The following GPAT3 variants were observed in gnomAD, a reference collection of about 807,000 sequenced individuals.
GPAT3 encodes glycerol-3-phosphate acyltransferase 3, also known as 1-AGP acyltransferase 9.
Under a neutral mutation model 58.8 loss-of-function variants are expected in GPAT3, and 53 were observed. That is an observed-to-expected ratio of 0.90 (90% CI 0.72 to 1.13). The LOEUF (loss-of-function observed/expected upper bound fraction) is 1.13. Ranked by LOEUF, GPAT3 falls within the 50% of genes most tolerant of loss-of-function variation. The pLI, the probability that GPAT3 is intolerant of heterozygous loss-of-function variation, is 0.00. For synonymous variants in GPAT3, 197 were observed against 187.4 expected, an observed-to-expected ratio of 1.05 and a Z score of -0.42; for missense variants, 511 against 527.6, an observed-to-expected ratio of 0.97 and a Z score of 0.31.
intron 2 of GPAT3, among the ~76,000 whole-genome samples, chr4:83,578,948 T>TTTCTTTA (rs1553946756): frequency 1.4e-5 from 1 of 71,848 alleles, no homozygotes. Context: ...TTTTCTTTTC[T>TTTCTTTA]TTTCTTTCTT....
chr4:83,561,247 CA>C (rs1237630328), intron 2 of GPAT3, among the ~76,000 whole-genome samples: 1 of 152,100 alleles, frequency 6.6e-6, no homozygotes, highest in African/African-American at 2.4e-5. Context: ...TTTAATAAAA[CA>C]AAAACAAAAC....
At chr4:83,547,794 A>T (rs893864653) in intron 2 of GPAT3, among the ~76,000 whole-genome samples, 5 of 150,358 alleles carry the variant, frequency 3.3e-5, no homozygotes, top group Non-Finnish European at 7.4e-5. Context: ...AGATATGATT[A>T]TGGGTAAATC....
chr4:83,536,333 G>A lies in GPAT3; in HGVS notation c.-290G>A. On this transcript the variant is annotated 5_prime_UTR_variant, in exon 1 of 12. Transcript: ENST00000264409. The stretch of plus-strand genomic sequence containing the variant: ...TGTGCCTCCGCTTACCCGCAGCTCC[G>A]ACCACTGGCTCGCGCTACCCAGGTC... 2.6e-6 allele frequency: 3 copies of A among 1,143,868 alleles called. No homozygotes were observed. The highest frequency in any genetic ancestry group is 3.4e-5 in the South Asian group (1 of 28,988). 70.9% of individuals were successfully genotyped at this position (1,143,868 alleles called of 1,614,324 possible).
intron 2 of GPAT3, among the ~76,000 whole-genome samples, chr4:83,580,316 A>G (rs183664587): frequency 1.3e-5 from 2 of 152,350 alleles, no homozygotes; most frequent in African/African-American, 4.8e-5. Flanking sequence ...TTTTCTATGT[A>G]TATGTATTTC....
chr4:83,592,453 G>C (rs576689230), intron 6 of GPAT3, among the ~76,000 whole-genome samples: 35 of 152,270 alleles, frequency 2.3e-4, no homozygotes, highest in Non-Finnish European at 4.7e-4. Flanking sequence ...TCTCTTCTCA[G>C]TGACTCTCCT....
At chr4:83,574,925 G>A (rs1162425888) in intron 2 of GPAT3, among the ~76,000 whole-genome samples, 2 of 146,308 alleles carry the variant, frequency 1.4e-5, no homozygotes, top group African/African-American at 2.5e-5. Flanking sequence ...GCCCAGGCCG[G>A]AGTGCAGTGG....
chr4:83,598,646 A>G lies in GPAT3; in HGVS notation c.1128A>G (p.Glu376=). ...VWYMPPMTRE[E]GEDAVQFANR... Reference sequence around the variant, plus strand: ...AATTTTTTTTTTTTTTAAACCAGGAAGGAGAAGATGCAGTCCAGTTTGCTA... The same window carrying G: ...AATTTTTTTTTTTTTTAAACCAGGAGGGAGAAGATGCAGTCCAGTTTGCTA... The change falls in exon 11 of 12, where the codon GAA becomes GAG. Residue 376 remains glutamate (E), a splice_region_variant and synonymous_variant. Coordinates refer to ENST00000264409, the MANE Select transcript of GPAT3 (RefSeq NM_032717.5). The G allele has an allele frequency of 6.2e-7, 1 of 1,605,944 alleles. No homozygotes were observed. Among genetic ancestry groups the G allele is most frequent in the Non-Finnish European group, 8.5e-7 (1 of 1,177,146 alleles).
chr4:83,553,534 CA>C (rs1724832179), intron 2 of GPAT3, among the ~76,000 whole-genome samples: 1 of 152,146 alleles, frequency 6.6e-6, no homozygotes, highest in Admixed American at 6.5e-5. Context: ...AACCCCTCAG[CA>C]GCTTGGAAGA....
chr4:83,551,793 GAA>G (rs765639097), intron 2 of GPAT3, among the ~76,000 whole-genome samples: 7 of 61,932 alleles, frequency 1.1e-4, no homozygotes, highest in South Asian at 1.1e-3. Context: ...CTCCATCTCG[GAA>G]AAAAAAAAAA....
chr4:83,563,124 A>C (rs1725241637), intron 2 of GPAT3, among the ~76,000 whole-genome samples: 1 of 152,212 alleles, frequency 6.6e-6, no homozygotes, highest in Non-Finnish European at 1.5e-5. Context: ...TTATCTTTAC[A>C]ATTCTGAGGA....
Position 83,594,903 on chromosome 4 carries a change from G to A in GPAT3, c.797G>A (p.Cys266Tyr). The A allele has an allele frequency of 6.2e-7, 1 of 1,614,000 alleles. No individual in the cohort carries two copies. Among genetic ancestry groups the A allele is most frequent in the Middle Eastern group, 1.7e-4 (1 of 6,056 alleles). Reference protein sequence around the residue: ...GIIQRAMVKACPHVWFERSEM... With the variant: ...GIIQRAMVKAYPHVWFERSEM... ...ATTCAGAGAGCTATGGTCAAGGCTT[G>A]TCCTCATGTCTGGTTTGAACGCTCA... Residue 266 changes from cysteine (C) to tyrosine (Y), a missense_variant, in exon 7 of 12, where the codon TGT becomes TAT. Physicochemically the swap from Cys to Tyr is radical, Grantham distance 194. Coordinates refer to ENST00000264409, the MANE Select transcript of GPAT3 (RefSeq NM_032717.5).
intron 2 of GPAT3, among the ~76,000 whole-genome samples, chr4:83,565,421 C>G (rs1452432532): frequency 6.6e-6 from 1 of 152,114 alleles, no homozygotes; most frequent in Admixed American, 6.6e-5. Flanking sequence ...ACATTTGGAT[C>G]TGTTTCTGAG....
chr4:83,536,576 C>T lies in GPAT3; in HGVS notation c.-47C>T, dbSNP rs1413292796. The T allele has an allele frequency of 1.3e-6, 2 of 1,590,724 alleles. No individual in the cohort carries two copies. The highest frequency in any genetic ancestry group is 1.3e-5 in the African/African-American group (1 of 74,596). The stretch of plus-strand genomic sequence containing the variant: ...TGCCTGGGGACAGGGACTGCTGTGG[C>T]GCTCGGCCCTCCACTGCGGACCTCT... On this transcript the variant is annotated 5_prime_UTR_variant, in exon 1 of 12. Coordinates refer to ENST00000264409, the MANE Select transcript of GPAT3 (RefSeq NM_032717.5).
chr4:83,541,286 A>G (rs939330083), intron 1 of GPAT3, among the ~76,000 whole-genome samples: 6 of 151,454 alleles, frequency 4.0e-5, no homozygotes, highest in African/African-American at 1.5e-4. Flanking sequence ...CCTGGAGTGC[A>G]GTGTCATGAT....
chr4:83,541,264 C>T (rs1045603878), intron 1 of GPAT3, among the ~76,000 whole-genome samples: 18 of 151,762 alleles, frequency 1.2e-4, no homozygotes, highest in Non-Finnish European at 2.9e-5. Flanking sequence ...GCAGGGTCTC[C>T]CTGTCACCTA....
chr4:83,536,591 T>C lies in GPAT3; in HGVS notation c.-32T>C. 4 of 1,605,058 alleles carry C rather than the reference T, an allele frequency of 2.5e-6. No homozygotes were observed. The highest frequency in any genetic ancestry group is 3.4e-6 in the Non-Finnish European group (4 of 1,175,836). ...ACTGCTGTGGCGCTCGGCCCTCCAC[T>C]GCGGACCTCTCCTGAGTGGGTGCGC... On this transcript the variant is annotated 5_prime_UTR_variant, in exon 1 of 12. Coordinates refer to ENST00000264409, the MANE Select transcript of GPAT3 (RefSeq NM_032717.5).
intron 3 of GPAT3, among the ~76,000 whole-genome samples, chr4:83,584,202 G>A (rs969206151): frequency 6.6e-6 from 1 of 152,136 alleles, no homozygotes; most frequent in Non-Finnish European, 1.5e-5. Context: ...ATAGATAAGT[G>A]ACTTAAAATA....
intron 3 of GPAT3, among the ~76,000 whole-genome samples, chr4:83,583,310 A>C (rs1427388388): frequency 6.6e-6 from 1 of 151,826 alleles, no homozygotes. Context: ...AAAAGAAAGA[A>C]AGAAAGAAAA....
intron 1 of GPAT3, among the ~76,000 whole-genome samples, chr4:83,537,249 A>C (rs1351998137): frequency 2.0e-5 from 3 of 152,230 alleles, no homozygotes; most frequent in Non-Finnish European, 4.4e-5. Flanking sequence ...TGGCAGAAAG[A>C]AATCTTATTT....
Sources: allele counts gnomAD v4.1 joint callset (sites outside exome capture counted in the v4.1 genomes callset), GRCh38; gene constraint gnomAD v4.1.1; transcripts MANE v1.5; gene names NCBI Gene and HGNC (gene_info 2026-07-23, HGNC 2026-07-21).